ACVR2A: variants seen among roughly 807,000 people sequenced by gnomAD.
ACVR2A encodes activin A receptor type 2A.
A neutral mutation model predicts 61.4 loss-of-function variants in ACVR2A; 7 were observed. That is an observed-to-expected ratio of 0.11 (90% CI 0.06 to 0.21). The LOEUF (loss-of-function observed/expected upper bound fraction) is 0.21, where lower values mean the gene tolerates loss of function less well. Ranked by LOEUF, ACVR2A falls within the 10% of genes least tolerant of loss-of-function variation. ACVR2A has a pLI of 1.00. For synonymous variants in ACVR2A, 193 were observed against 208.3 expected (o/e 0.93, Z 0.63); for missense variants, 322 against 621.7 (o/e 0.52, Z 5.13).
intron 1 of ACVR2A, among the ~76,000 whole-genome samples, chr2:147,887,134 C>T (rs1686459839): frequency 6.6e-6 from 1 of 151,864 alleles, no homozygotes; most frequent in Non-Finnish European, 1.5e-5. Context: ...ATCGCTTGAG[C>T]CCAGGAGCTC....
rs1475884528 is a variant in ACVR2A, at chr2:147,929,661, G to T, written c.*2387G>T. The T allele has an allele frequency of 2.0e-5, 3 of 152,180 alleles. No homozygotes were observed. The highest frequency in any genetic ancestry group is 2.9e-5 in the Non-Finnish European group (2 of 67,910). 9.4% of individuals were successfully genotyped at this position (152,180 alleles called of 1,614,324 possible). On this transcript the variant is annotated 3_prime_UTR_variant, in exon 11 of 11. Transcript: ENST00000241416. ...TCTTGTTAAAACTTTCTTTTGCAGG[G>T]TATTTAGTGTTTGGTTTACAGTCAG... is the stretch of plus-strand genomic sequence containing the variant.
chr2:147,924,376 G>C (rs968424396), intron 9 of ACVR2A, among the ~76,000 whole-genome samples: 14 of 151,980 alleles, frequency 9.2e-5, no homozygotes, highest in Non-Finnish European at 7.4e-5. Flanking sequence ...TAACTCTAGA[G>C]TAAGTTAAGT....
rs375180102 is a variant in ACVR2A, at chr2:147,918,168, TA to T, written c.817-264del. Among the ~76,000 whole-genome samples the T allele has an allele frequency of 7.6e-3, 1,035 of 136,398 alleles. 2 individuals carry two copies. The highest frequency in any genetic ancestry group is 0.016 in the African/African-American group (616 of 37,482). The allele number at this position is 136,398 out of a possible 152,430, so 89.5% of individuals were successfully genotyped here. A position where few individuals can be genotyped will look rare whatever the true frequency, so the allele number is the denominator to read the frequency against. ...GAACCTTAGATTTTCAACTAGTCTTTAAAAAAAAAAAAAAACAAACTTGTCT... is the reference window on the plus strand; with the variant it reads ...GAACCTTAGATTTTCAACTAGTCTTTAAAAAAAAAAAAAACAAACTTGTCT... On this transcript the variant is annotated intron_variant, in intron 6 of 10. Transcript: ENST00000241416.
intron 6 of ACVR2A, among the ~76,000 whole-genome samples, chr2:147,918,168 TAAAA>T (rs375180102): frequency 4.5e-4 from 62 of 136,522 alleles, no homozygotes; most frequent in African/African-American, 1.6e-3. Flanking sequence ...AACTAGTCTT[TAAAA>T]AAAAAAAAAA....
intron 4 of ACVR2A, among the ~76,000 whole-genome samples, chr2:147,914,338 C>T (rs1687196839): frequency 2.6e-5 from 4 of 151,974 alleles, no homozygotes. Flanking sequence ...TGAGAGAATG[C>T]TTTCAATGGA....
intron 1 of ACVR2A, among the ~76,000 whole-genome samples, chr2:147,871,115 T>TA (rs1485387246): frequency 2.0e-5 from 3 of 152,256 alleles, no homozygotes; most frequent in Admixed American, 6.5e-5. Context: ...AGCATTTAGA[T>TA]ACGGTTATTG....
At chr2:147,872,821 C>G (rs555397475) in intron 1 of ACVR2A, among the ~76,000 whole-genome samples, 1 of 151,548 alleles carries the variant, frequency 6.6e-6, no homozygotes, top group South Asian at 2.1e-4. Context: ...ATCACTTTAC[C>G]TTCTTGGAGG....
intron 1 of ACVR2A, among the ~76,000 whole-genome samples, chr2:147,888,664 G>GGCTGCT (rs145036399): frequency 3.3e-5 from 5 of 150,134 alleles, no homozygotes; most frequent in Non-Finnish European, 5.9e-5. Flanking sequence ...TTAGTTCGGG[G>GGCTGCT]GCTGCTGCTG....
At chr2:147,864,035 T>G (rs1685791645) in intron 1 of ACVR2A, among the ~76,000 whole-genome samples, 2 of 152,194 alleles carry the variant, frequency 1.3e-5, no homozygotes, top group Admixed American at 6.5e-5. Context: ...TAATTTAATG[T>G]TAGTGGTCAT....
intron 4 of ACVR2A, among the ~76,000 whole-genome samples, chr2:147,903,134 G>T (rs1179136013): frequency 2.0e-5 from 3 of 151,778 alleles, no homozygotes; most frequent in African/African-American, 4.8e-5. Flanking sequence ...AGTGATGTAG[G>T]GGTATAAGTA....
chr2:147,921,546 G>A (rs551630760), intron 8 of ACVR2A, among the ~76,000 whole-genome samples: 2 of 152,158 alleles, frequency 1.3e-5, no homozygotes, highest in South Asian at 2.1e-4. Flanking sequence ...AATTTTGGCA[G>A]TATTGACTAA....
intron 1 of ACVR2A, among the ~76,000 whole-genome samples, chr2:147,878,822 T>G (rs761406230): frequency 2.0e-5 from 3 of 151,988 alleles, no homozygotes; most frequent in Non-Finnish European, 4.4e-5. Context: ...GGTGGGAAGA[T>G]CAATTGAGCC....
At chr2:147,912,289 T>C (rs901684063) in intron 4 of ACVR2A, among the ~76,000 whole-genome samples, 3 of 151,984 alleles carry the variant, frequency 2.0e-5, no homozygotes, top group Non-Finnish European at 4.4e-5. Context: ...TTTTTACATA[T>C]AAATGAGTAA....
chr2:147,845,813 G>T (rs1311649286), intron 1 of ACVR2A, among the ~76,000 whole-genome samples: 1 of 152,202 alleles, frequency 6.6e-6, no homozygotes, highest in Non-Finnish European at 1.5e-5. Context: ...ACCCAGTGCA[G>T]AAGAGGTATG....
chr2:147,882,514 A>G (rs1686329762), intron 1 of ACVR2A, among the ~76,000 whole-genome samples: 3 of 152,226 alleles, frequency 2.0e-5, no homozygotes, highest in Admixed American at 2.0e-4. Context: ...AGATTGGGCC[A>G]CTGCACTCCA....
chr2:147,852,102 A>C (rs1685464120), intron 1 of ACVR2A, among the ~76,000 whole-genome samples: 1 of 152,084 alleles, frequency 6.6e-6, no homozygotes, highest in South Asian at 2.1e-4. Context: ...AATAATTAAA[A>C]TTAGAATTTG....
At chr2:147,926,340 A>C (rs1687499069) in intron 10 of ACVR2A, among the ~76,000 whole-genome samples, 179 bp downstream of exon 10, 2 of 151,830 alleles carry the variant, frequency 1.3e-5, no homozygotes. Flanking sequence ...CCTGAAGGTG[A>C]TTGTAAAGTA....
chr2:147,908,309 G>C (rs1194768939), intron 4 of ACVR2A, among the ~76,000 whole-genome samples: 4 of 152,222 alleles, frequency 2.6e-5, no homozygotes, highest in South Asian at 2.1e-4. Context: ...ACCCCAAAAA[G>C]AGAATGGGCA....
Position 147,865,119 on chromosome 2 carries a change from T to C in ACVR2A, c.55+19912T>C, listed in dbSNP as rs532046088. 3.9e-5 allele frequency among the ~76,000 whole-genome samples: 6 copies of C among 152,332 alleles called. No individual in the cohort carries two copies. The East Asian group carries it at 1.2e-3, about 29-fold the overall frequency. On this transcript the variant is annotated intron_variant, in intron 1 of 10. Coordinates refer to ENST00000241416, the MANE Select transcript of ACVR2A (RefSeq NM_001616.5). ...CTTAGTTCTTGGCCTTGTTTCTTTC[T>C]GAATTTATTGCTGCTAAAATAAAAC... is the stretch of plus-strand genomic sequence containing the variant.
Sources: gnomAD v4.1 joint callset for allele counts (sites outside exome capture counted in the v4.1 genomes callset) on GRCh38, gnomAD v4.1.1 for gene constraint, MANE v1.5 for transcripts, NCBI Gene and HGNC (gene_info 2026-07-23, HGNC 2026-07-21) for gene names.